Variants in ARMH3 observed in about 807,000 individuals in gnomAD.
ARMH3 encodes the protein armadillo-like helical domain-containing protein 3.
A neutral mutation model predicts 99.1 loss-of-function variants in ARMH3; 60 were observed. The observed-to-expected ratio is 0.61, with a 90% CI of 0.49 to 0.75. The LOEUF (loss-of-function observed/expected upper bound fraction) is 0.75, where lower values mean the gene tolerates loss of function less well. Ranked by LOEUF, ARMH3 falls within the 30% of genes least tolerant of loss-of-function variation. The probability of loss-of-function intolerance (pLI) is 0.00; values close to 1 mark genes in which losing one functional copy is unlikely to be tolerated. For missense variants in ARMH3, 679 were observed against 843.1 expected (o/e 0.81, Z 2.41); for synonymous variants, 285 against 292.8 (o/e 0.97, Z 0.27).
intron 17 of ARMH3, 103 bp from the exon 18 acceptor site, chr10:101,992,141 G>A (rs1846826749): frequency 6.2e-6 from 6 of 963,004 alleles, no homozygotes; most frequent in Non-Finnish European, 8.4e-6. Context: ...CTATTACAGG[G>A]ATACTTCCTT....
rs1385633189 is a variant in ARMH3, at chr10:102,040,225, C to T, written c.-11-100G>A. ...CATTTGTCCAAGCCCATAGAATATA[C>T]AACACCAAGAGTGAATCCTAATGTA... is the stretch of plus-strand genomic sequence containing the variant. On this transcript the variant is annotated intron_variant, in intron 1 of 25. Transcript: ENST00000370033. 3 of 970,170 alleles carry T rather than the reference C, an allele frequency of 3.1e-6. No homozygotes were observed. The East Asian group carries it at 7.2e-5, about 23-fold the overall frequency. 60.1% of individuals were successfully genotyped at this position (970,170 alleles called of 1,614,324 possible).
intron 11 of ARMH3, among the ~76,000 whole-genome samples, chr10:102,010,551 T>G (rs2066608468): frequency 6.6e-6 from 1 of 152,214 alleles, no homozygotes; most frequent in East Asian, 1.9e-4. Flanking sequence ...AATCTTTAGT[T>G]TGTGTCCTAG....
At chr10:102,023,828 A>C (rs1488641823) in intron 6 of ARMH3, 79 bp from the exon 7 acceptor site, 3 of 1,304,870 alleles carry the variant, frequency 2.3e-6, no homozygotes. Flanking sequence ...CTAACATCTA[A>C]GAGAAACAAA....
At chr10:101,947,774 T>C (rs960822363) in intron 22 of ARMH3, among the ~76,000 whole-genome samples, 19 of 151,386 alleles carry the variant, frequency 1.3e-4, no homozygotes, top group Non-Finnish European at 4.4e-5. Context: ...CACTCCAGCC[T>C]GGGCAACAAG....
chr10:102,053,658 AAATTT>A (rs1328192719), intron 1 of ARMH3, among the ~76,000 whole-genome samples: 1 of 151,602 alleles, frequency 6.6e-6, no homozygotes, highest in African/African-American at 2.4e-5. Context: ...TACACTGTAT[AAATTT>A]TTTTTTTTTT....
chr10:101,993,954 G>C (rs937228828), intron 16 of ARMH3, among the ~76,000 whole-genome samples: 1 of 152,156 alleles, frequency 6.6e-6, no homozygotes, highest in African/African-American at 2.4e-5. Flanking sequence ...GATAGTTTAA[G>C]GTTTTCACAG....
At chr10:101,865,645 C>G (rs1203203419) in intron 24 of ARMH3, among the ~76,000 whole-genome samples, 2 of 152,048 alleles carry the variant, frequency 1.3e-5, no homozygotes, top group Admixed American at 1.3e-4. Flanking sequence ...TGAACCACCA[C>G]TCCAGGCTAA....
chr10:101,985,072 T>TACACACAC (rs1374733874), intron 19 of ARMH3, among the ~76,000 whole-genome samples: 2 of 134,818 alleles, frequency 1.5e-5, no homozygotes, highest in East Asian at 2.2e-4. Context: ...CATCTAAAAA[T>TACACACAC]ATATATACAC....
At chr10:101,912,031 TCAA>T (rs934039277) in intron 23 of ARMH3, among the ~76,000 whole-genome samples, 8 of 149,676 alleles carry the variant, frequency 5.3e-5, no homozygotes, top group Non-Finnish European at 7.4e-5. Flanking sequence ...AGACTCCATC[TCAA>T]CAACAACAAC....
chr10:101,992,200 G>A (rs1449140758), intron 17 of ARMH3, among the ~76,000 whole-genome samples, 162 bp from the exon 18 acceptor site: 3 of 152,210 alleles, frequency 2.0e-5, no homozygotes, highest in Non-Finnish European at 1.5e-5. Context: ...AGCATGGGAT[G>A]AGGCGGGGAA....
At chr10:101,991,513 TG>T (rs1264091713) in intron 18 of ARMH3, among the ~76,000 whole-genome samples, 1 of 152,174 alleles carries the variant, frequency 6.6e-6, no homozygotes, top group African/African-American at 2.4e-5. Context: ...CCTGAGTAGC[TG>T]GGATTACAGG....
chr10:101,982,444 C>T (rs1014981549), intron 19 of ARMH3, among the ~76,000 whole-genome samples: 1 of 152,106 alleles, frequency 6.6e-6, no homozygotes, highest in Non-Finnish European at 1.5e-5. Flanking sequence ...TAAATCAATA[C>T]ATACATGGAA....
chr10:101,899,901 A>G (rs963437929), intron 23 of ARMH3, among the ~76,000 whole-genome samples: 1 of 152,182 alleles, frequency 6.6e-6, no homozygotes, highest in African/African-American at 2.4e-5. Context: ...CAAGAAGGAT[A>G]AACTACTGAC....
intron 24 of ARMH3, among the ~76,000 whole-genome samples, chr10:101,850,156 GAC>G (rs2066560731): frequency 7.4e-6 from 1 of 135,288 alleles, no homozygotes; most frequent in Non-Finnish European, 1.5e-5. Flanking sequence ...GGAGTACAGT[GAC>G]GTGATCTCAG....
At chr10:101,854,624 G>T (rs2066688291) in intron 24 of ARMH3, among the ~76,000 whole-genome samples, 1 of 152,174 alleles carries the variant, frequency 6.6e-6, no homozygotes, top group Non-Finnish European at 1.5e-5. Flanking sequence ...GTTTGGGAAG[G>T]CCTAAACATC....
At chr10:101,921,099 A>C (rs1476886510) in intron 23 of ARMH3, among the ~76,000 whole-genome samples, 1 of 152,020 alleles carries the variant, frequency 6.6e-6, no homozygotes, top group Non-Finnish European at 1.5e-5. Context: ...TACCAAACTT[A>C]ACAAATCATT....
intron 20 of ARMH3, among the ~76,000 whole-genome samples, chr10:101,972,526 T>C (rs151122681): frequency 1.3e-5 from 2 of 151,774 alleles, no homozygotes; most frequent in African/African-American, 4.8e-5. Flanking sequence ...AAAGAAAGAG[T>C]GAAAACATGA....
At chr10:101,933,220 A>G (rs1843801374) in intron 23 of ARMH3, among the ~76,000 whole-genome samples, 1 of 152,218 alleles carries the variant, frequency 6.6e-6, no homozygotes, top group Non-Finnish European at 1.5e-5. Flanking sequence ...GGTAAATTTT[A>G]TGTTATGTGT....
intron 24 of ARMH3, among the ~76,000 whole-genome samples, chr10:101,877,468 T>C (rs1289576705): frequency 6.6e-6 from 1 of 152,142 alleles, no homozygotes; most frequent in Non-Finnish European, 1.5e-5. Flanking sequence ...GAGACCAGCC[T>C]GACCAACATG....
Sources: gnomAD v4.1 joint callset for allele counts (sites outside exome capture counted in the v4.1 genomes callset) on GRCh38, gnomAD v4.1.1 for gene constraint, MANE v1.5 for transcripts, NCBI Gene and HGNC (gene_info 2026-07-23, HGNC 2026-07-21) for gene names.